The following TTN variants were observed in gnomAD, a reference collection of about 807,000 sequenced individuals.
TTN encodes titin.
TTN carries 1,525 observed loss-of-function variants against 3,223.0 expected under a neutral mutation model. The ratio of observed to expected loss-of-function variants is 0.47; its 90% CI spans 0.45 to 0.49. The LOEUF is 0.49. TTN is among the 20% of genes least tolerant of loss of function. The probability of loss-of-function intolerance (pLI) is 0.00; values close to 1 mark genes in which losing one functional copy is unlikely to be tolerated. For missense variants in TTN, 40,786 were observed against 43,424.0 expected (o/e 0.94, Z 5.40); for synonymous variants, 14,094 against 15,161.0 (o/e 0.93, Z 5.17).
In TTN at chr2:178,619,979, A is replaced by C. The variant is rs778552668; in HGVS notation, c.46429+9T>G. 6.2e-7 allele frequency: 1 copy of C among 1,606,806 alleles called. No homozygotes were observed. Among genetic ancestry groups the C allele is most frequent in the Admixed American group, 1.7e-5 (1 of 58,712 alleles). ...TAACATTAGAATTGTTTTTTCACTTAATATGTACCTTCCACAAAAAGTCTA... is the reference window on the plus strand; with the variant it reads ...TAACATTAGAATTGTTTTTTCACTTCATATGTACCTTCCACAAAAAGTCTA... On this transcript the variant is annotated intron_variant, in intron 249 of 362. Coordinates refer to ENST00000589042, the MANE Select transcript of TTN (RefSeq NM_001267550.2).
Position 178,620,030 on chromosome 2 carries a change from C to T in TTN, c.46387G>A (p.Gly15463Arg), listed in dbSNP as rs200042932. The change falls in exon 249 of 363, where the codon GGG becomes AGG. Residue 15463 changes from glycine (G) to arginine (R), a missense_variant. Coordinates refer to ENST00000589042, the MANE Select transcript of TTN (RefSeq NM_001267550.2). Reference protein sequence around the residue: ...RLDDECEYACGVEDRKSRARL... With the variant: ...RLDDECEYACRVEDRKSRARL... ...GCACGAGACTTCCTGTCTTCTACCC[C>T]GCAAGCATATTCACACTCATCATCC... 709 of 1,611,770 alleles carry T rather than the reference C, an allele frequency of 4.4e-4. No homozygotes were observed. Among genetic ancestry groups the T allele is most frequent in the Non-Finnish European group, 5.4e-4 (635 of 1,178,750 alleles).
At position 178,730,369 on chromosome 2, in the gene TTN, G is replaced by C. The variant is rs745482759; in HGVS notation, c.18031C>G (p.Pro6011Ala). The C allele has an allele frequency of 6.4e-7, 1 of 1,574,744 alleles. No individual in the cohort carries two copies. The highest frequency in any genetic ancestry group is 1.9e-5 in the Admixed American group (1 of 52,020). ...TGTGGCTTTTCCACAAAGTAAGGGG[G>C]TTCTGAGGTGAAAGAAAAAACAAGC... ...QCSGHLTVKE[P>A]PYFVEKPQSQ... The change falls in exon 62 of 363, where the codon CCC (proline) becomes GCC (alanine). Residue 6011 changes from proline to alanine, a missense_variant and splice_region_variant. Pro to Ala is a conservative substitution (Grantham distance 27). Transcript: ENST00000589042.
chr2:178,764,400 G>A, intron 42 of TTN, 98 bp from the exon 43 acceptor site: 1 of 1,610,400 alleles, frequency 6.2e-7, no homozygotes, highest in South Asian at 1.1e-5. Context: ...TCACTGCAGA[G>A]TGCTTTCAAA....
In TTN at chr2:178,534,188, T is replaced by A. The variant is rs371226574; in HGVS notation, c.102427A>T (p.Met34143Leu). 9 of 1,613,798 alleles carry A rather than the reference T, an allele frequency of 5.6e-6. No individual in the cohort carries two copies. In the Admixed American group the frequency reaches 6.7e-5, roughly 12 times the overall value. The change falls in exon 358 of 363, where the codon ATG (methionine) becomes TTG (leucine). Residue 34143 changes from methionine to leucine, a missense_variant. By Grantham distance (15) the Met-to-Leu change is conservative. Coordinates refer to ENST00000589042, the MANE Select transcript of TTN (RefSeq NM_001267550.2). ...CCTCCTTCTTCACCAACTGCATGCATTATCTGCCCAGAAACTGGGCCAATT... is the reference window on the plus strand; with the variant it reads ...CCTCCTTCTTCACCAACTGCATGCAATATCTGCCCAGAAACTGGGCCAATT... ...IEIGPVSGQI[M>L]HAVGEEGGHV...
At position 178,576,257 on chromosome 2, in the gene TTN, G is replaced by C. The variant is rs1710041063; in HGVS notation, c.69875C>G (p.Thr23292Arg). ...VGDEAWIKDT[T>R]GTALRITQFV... Reference sequence around the variant, plus strand: ...CTGAGTGATTCTGAGGGCGGTTCCTGTGGTATCTTTTATCCAGGCCTCGTC... The same window carrying C: ...CTGAGTGATTCTGAGGGCGGTTCCTCTGGTATCTTTTATCCAGGCCTCGTC... Residue 23292 changes from threonine to arginine, a missense_variant, in exon 326 of 363, where the codon ACA (threonine) becomes AGA (arginine). By Grantham distance (71) the Thr-to-Arg change is moderately conservative (BLOSUM62 -1). Coordinates refer to ENST00000589042, the MANE Select transcript of TTN (RefSeq NM_001267550.2). This position sits in a 1 kb window ranked among gnomAD's most constrained non-coding sequence, Gnocchi z 4.3. 6.2e-7 allele frequency: 1 copy of C among 1,611,816 alleles called. No individual in the cohort carries two copies. Among genetic ancestry groups the C allele is most frequent in the Non-Finnish European group, 8.5e-7 (1 of 1,179,022 alleles).
At chr2:178,585,592 AG>A (rs2048760268) in intron 308 of TTN, among the ~76,000 whole-genome samples, 1 of 151,976 alleles carries the variant, frequency 6.6e-6, no homozygotes, top group Non-Finnish European at 1.5e-5. Flanking sequence ...TCCTTCCCCT[AG>A]CCTCCCAACC....
In TTN at chr2:178,530,842, G is replaced by A; in HGVS notation, c.105773C>T (p.Pro35258Leu). Reference sequence around the variant, plus strand: ...GGGTGATACGGCTTTCGGGTGAGAAGGTTCTGGAGATTTCACTCGTTTTGG... The same window carrying A: ...GGGTGATACGGCTTTCGGGTGAGAAAGTTCTGGAGATTTCACTCGTTTTGG... ...KSPKRVKSPE[P>L]SHPKAVSPTE... The change falls in exon 358 of 363, where the codon CCT becomes CTT. Residue 35258 changes from proline to leucine, a missense_variant. Physicochemically the swap from Pro to Leu is moderately conservative, Grantham distance 98 (BLOSUM62 -3). Transcript: ENST00000589042. 1.9e-6 allele frequency: 3 copies of A among 1,613,854 alleles called. No individual in the cohort carries two copies. Among genetic ancestry groups the A allele is most frequent in the Non-Finnish European group, 2.5e-6 (3 of 1,179,860 alleles).
intron 236 of TTN, 40 bp from the exon 237 acceptor site, chr2:178,631,340 C>CCTA (rs1224938637): frequency 6.5e-6 from 10 of 1,549,464 alleles, no homozygotes; most frequent in Non-Finnish European, 8.6e-6. Flanking sequence ...TATTAATCAC[C>CCTA]TTAGGGAAAT....
Position 178,775,772 on chromosome 2 carries a change from AG to A in TTN, c.6091del (p.Leu2031SerfsTer15). On this transcript the variant is annotated frameshift_variant, in exon 28 of 363. Coordinates refer to ENST00000589042, the MANE Select transcript of TTN (RefSeq NM_001267550.2). LOFTEE classifies it high-confidence loss of function. Reference sequence around the variant, plus strand: ...GAGAAGTTCATCTTTTGTCTTCCTGAGGAGTTCCTCATAGGATTCATCCTTC... The same window carrying A: ...GAGAAGTTCATCTTTTGTCTTCCTGAGAGTTCCTCATAGGATTCATCCTTC... ...RKKDESYEELLRKTKDELLHW... is the reference protein window; with the variant it reads ...RKKDESYEELXRKTKDELLHW... The A allele has an allele frequency of 6.2e-7, 1 of 1,613,748 alleles. No homozygotes were observed.
rs1256813746 is a variant in TTN, at chr2:178,614,273, G to C, written c.49124C>G (p.Pro16375Arg). Reference sequence around the variant, plus strand: ...GATCTTAGATCCACCATCATCGCGTGGTGGGTTCCATGTTAGAAGACATGA... The same window carrying C: ...GATCTTAGATCCACCATCATCGCGTCGTGGGTTCCATGTTAGAAGACATGA... Reference protein sequence around the residue: ...NESCLLTWNPPRDDGGSKITN... With the variant: ...NESCLLTWNPRRDDGGSKITN... Residue 16375 changes from proline to arginine, a missense_variant, in exon 262 of 363, where the codon CCA becomes CGA. By Grantham distance (103) the Pro-to-Arg change is moderately radical (BLOSUM62 -2). Transcript: ENST00000589042. 1 of 1,612,654 alleles carries C rather than the reference G, an allele frequency of 6.2e-7. No individual in the cohort carries two copies. Among genetic ancestry groups the C allele is most frequent in the East Asian group, 2.2e-5 (1 of 44,620 alleles).
Position 178,533,130 on chromosome 2 carries a change from C to T in TTN, c.103485G>A (p.Leu34495=), listed in dbSNP as rs2154134888. 2.5e-6 allele frequency: 4 copies of T among 1,613,974 alleles called. No individual in the cohort carries two copies. The highest frequency in any genetic ancestry group is 3.4e-6 in the Non-Finnish European group (4 of 1,179,874). Reference sequence around the variant, plus strand: ...TCAGAGCCTCTTTAGCTACCTGTGTCAGTGGTACACTTTCAGTTCCAGAAA... The same window carrying T: ...TCAGAGCCTCTTTAGCTACCTGTGTTAGTGGTACACTTTCAGTTCCAGAAA... ...EILSGTESVP[L]TQVAKEALRE... The change falls in exon 358 of 363, where the codon CTG becomes CTA. Residue 34495 remains leucine, a synonymous_variant. Transcript: ENST00000589042.
chr2:178,563,717 G>C lies in TTN; in HGVS notation c.82415C>G (p.Pro27472Arg). 1 of 1,613,766 alleles carries C rather than the reference G, an allele frequency of 6.2e-7. No individual in the cohort carries two copies. The highest frequency in any genetic ancestry group is 8.5e-7 in the Non-Finnish European group (1 of 1,179,764). ...TGCTGAGACTTCAGGTGTTGAGGGA[G>C]GACCTGGTGGCTTATAAGGATTACA... ...TACNPYKPPG[P>R]PSTPEVSAIT... The change falls in exon 326 of 363, where the codon CCT (proline) becomes CGT (arginine). Residue 27472 changes from proline (P) to arginine (R), a missense_variant. Physicochemically the swap from Pro to Arg is moderately radical, Grantham distance 103. Coordinates refer to ENST00000589042, the MANE Select transcript of TTN (RefSeq NM_001267550.2). This position sits in a 1 kb window ranked among gnomAD's most constrained non-coding sequence, Gnocchi z 4.5.
rs753075855 is a variant in TTN, at chr2:178,766,477, G to A, written c.9607C>T (p.His3203Tyr). Residue 3203 changes from histidine (H) to tyrosine (Y), a missense_variant, in exon 41 of 363, where the codon CAC (histidine) becomes TAC (tyrosine). His to Tyr is a moderately conservative substitution (Grantham distance 83). Coordinates refer to ENST00000589042, the MANE Select transcript of TTN (RefSeq NM_001267550.2). Reference sequence around the variant, plus strand: ...CTGGTCTCAGAGATAAACATTCGGTGGATTCTTCTTTCCACTACATATTTG... The same window carrying A: ...CTGGTCTCAGAGATAAACATTCGGTAGATTCTTCTTTCCACTACATATTTG... Reference protein sequence around the residue: ...RHKYVVERRIHRMFISETRQS... With the variant: ...RHKYVVERRIYRMFISETRQS... 2 of 1,614,014 alleles carry A rather than the reference G, an allele frequency of 1.2e-6. No individual in the cohort carries two copies. Among genetic ancestry groups the A allele is most frequent in the African/African-American group, 1.3e-5 (1 of 75,010 alleles).
Position 178,552,245 on chromosome 2 carries a change from C to T in TTN, c.90655G>A (p.Val30219Ile). 1 of 1,613,368 alleles carries T rather than the reference C, an allele frequency of 6.2e-7. No homozygotes were observed. Among genetic ancestry groups the T allele is most frequent in the Middle Eastern group, 1.7e-4 (1 of 6,056 alleles). Residue 30219 changes from valine to isoleucine, a missense_variant, in exon 335 of 363, where the codon GTC (valine) becomes ATC (isoleucine). Coordinates refer to ENST00000589042, the MANE Select transcript of TTN (RefSeq NM_001267550.2). ...AVCRIAVPIT[V>I]ITLGPPSKPK... ...TTTGATGGTGGGCCAAGGGTGATGACTGTAATGGGGACTGCAATTCTACAC... is the reference window on the plus strand; with the variant it reads ...TTTGATGGTGGGCCAAGGGTGATGATTGTAATGGGGACTGCAATTCTACAC...
intron 326 of TTN, chr2:178,559,091 C>A: frequency 2.6e-6 from 1 of 391,022 alleles, no homozygotes; most frequent in Non-Finnish European, 4.5e-6. Context: ...TTAAATTCAA[C>A]ATATATTATC....
rs556770980 is a variant in TTN, at chr2:178,729,926, C to A, written c.18327G>T (p.Lys6109Asn). 3.7e-6 allele frequency: 6 copies of A among 1,612,452 alleles called. No homozygotes were observed. The highest frequency in any genetic ancestry group is 5.1e-6 in the Non-Finnish European group (6 of 1,179,338). ...TCAGCACTAAGACTGGACTGGGCTT[C>A]TTAATGAATTGAGGAGGTTCTAAAG... Reference protein sequence around the residue: ...LFVKEPPQFIKKPSPVLVLRN... With the variant: ...LFVKEPPQFINKPSPVLVLRN... The change falls in exon 63 of 363, where the codon AAG becomes AAT. Residue 6109 changes from lysine to asparagine, a missense_variant. By Grantham distance (94) the Lys-to-Asn change is moderately conservative (BLOSUM62 0). Transcript: ENST00000589042.
chr2:178,623,401 GAATT>G (rs752560042), intron 242 of TTN, among the ~76,000 whole-genome samples: 10 of 151,098 alleles, frequency 6.6e-5, no homozygotes, highest in Non-Finnish European at 1.0e-4. Flanking sequence ...TTCATCTGTA[GAATT>G]AATTCAGCTG....
intron 201 of TTN, 34 bp from the exon 202 acceptor site, chr2:178,652,575 T>G (rs902031058): frequency 6.2e-7 from 1 of 1,612,008 alleles, no homozygotes; most frequent in African/African-American, 1.3e-5. Flanking sequence ...CATTTAGAAG[T>G]TATGAAGACC....
At chr2:178,640,257 A>G (rs1354263916) in intron 221 of TTN, 147 bp from the exon 222 acceptor site, 1 of 803,646 alleles carries the variant, frequency 1.2e-6, no homozygotes, top group Non-Finnish European at 1.9e-6. Context: ...ATTAGTTTTC[A>G]TTTTAAACAA....
Sources: allele counts gnomAD v4.1 joint callset (sites outside exome capture counted in the v4.1 genomes callset), GRCh38; gene constraint gnomAD v4.1.1; non-coding constraint Gnocchi (gnomAD v3.1); transcripts MANE v1.5; gene names NCBI Gene and HGNC (gene_info 2026-07-23, HGNC 2026-07-21).